IGF1R: variants seen among roughly 807,000 people sequenced by gnomAD.
The protein encoded by IGF1R is insulin like growth factor 1 receptor.
In IGF1R, 44 loss-of-function variants were observed where a neutral mutation model predicts 144.6. The observed-to-expected ratio is 0.30, with a 90% CI of 0.24 to 0.39. The LOEUF is 0.39. IGF1R is among the 10% of genes least tolerant of loss of function. The pLI, the probability that IGF1R is intolerant of heterozygous loss-of-function variation, is 1.00. For synonymous variants in IGF1R, 795 were observed against 722.8 expected, an observed-to-expected ratio of 1.10 and a Z score of -1.60; for missense variants, 1,355 against 1,833.7, an observed-to-expected ratio of 0.74 and a Z score of 4.77.
chr15:98,895,274 A>G (rs2014136135), intron 3 of IGF1R, among the ~76,000 whole-genome samples: 1 of 151,232 alleles, frequency 6.6e-6, no homozygotes, highest in South Asian at 2.1e-4. Context: ...ACACAGAGTT[A>G]ATTTCCAGGT....
At chr15:98,775,364 G>T (rs958746882) in intron 2 of IGF1R, among the ~76,000 whole-genome samples, 1 of 152,156 alleles carries the variant, frequency 6.6e-6, no homozygotes, top group African/African-American at 2.4e-5. Context: ...AAGCCAGGCT[G>T]CCACCCCCAC....
chr15:98,649,917 C>A (rs926315460), intron 1 of IGF1R, among the ~76,000 whole-genome samples: 1 of 152,178 alleles, frequency 6.6e-6, no homozygotes. Context: ...AAGGGCTTTT[C>A]TCTTTCTCCG....
intron 2 of IGF1R, among the ~76,000 whole-genome samples, chr15:98,783,863 G>A (rs1373021491): frequency 1.3e-5 from 2 of 151,292 alleles, no homozygotes; most frequent in Non-Finnish European, 1.5e-5. Context: ...ATAGTACCAC[G>A]CTATCCTTCT....
chr15:98,958,136 GAC>G lies in IGF1R; in HGVS notation c.*699_*700del, dbSNP rs2017084775. The G allele has an allele frequency of 2.6e-5, 6 of 233,642 alleles. No homozygotes were observed. The Admixed American group carries it at 3.4e-4, about 13-fold the overall frequency. The allele number at this position is 233,642 out of a possible 1,614,324, so 14.5% of individuals were successfully genotyped here. On this transcript the variant is annotated 3_prime_UTR_variant, in exon 21 of 21. Transcript: ENST00000650285. ...TGCTCCATTTGAGAGACACGCTGGC[GAC>G]ACACTCCGTCCATCCGACTGCCCCT...
chr15:98,756,056 A>C (rs1339253913), intron 2 of IGF1R, among the ~76,000 whole-genome samples: 1 of 152,078 alleles, frequency 6.6e-6, no homozygotes, highest in Non-Finnish European at 1.5e-5. Context: ...ATATGTTGCT[A>C]TTTGATTTGC....
At chr15:98,659,032 C>T (rs531756121) in intron 1 of IGF1R, among the ~76,000 whole-genome samples, 1 of 152,300 alleles carries the variant, frequency 6.6e-6, no homozygotes, top group African/African-American at 2.4e-5. Context: ...CCTTGGACTT[C>T]AACTGCTACT....
intron 2 of IGF1R, among the ~76,000 whole-genome samples, chr15:98,712,962 A>C (rs987279500): frequency 6.7e-6 from 1 of 150,078 alleles, no homozygotes; most frequent in Non-Finnish European, 1.5e-5. Context: ...TCCTGTAGCA[A>C]GTCCCTATAG....
In IGF1R at chr15:98,676,415, C is replaced by T. The variant is rs113838929; in HGVS notation, c.94+26740C>T. On this transcript the variant is annotated intron_variant, in intron 1 of 20. Coordinates refer to ENST00000650285, the MANE Select transcript of IGF1R (RefSeq NM_000875.5). Reference sequence around the variant, plus strand: ...CCTCCCAAAGTGCTAGGATTACAGGCGTGAGCCACCGCTCCTGGCCGAGAC... The same window carrying T: ...CCTCCCAAAGTGCTAGGATTACAGGTGTGAGCCACCGCTCCTGGCCGAGAC... Among the ~76,000 whole-genome samples, 1,077 of 152,310 alleles carry T rather than the reference C, an allele frequency of 7.1e-3. 7 individuals are homozygous for T. The highest frequency in any genetic ancestry group is 0.024 in the African/African-American group (1,012 of 41,570).
intron 2 of IGF1R, among the ~76,000 whole-genome samples, chr15:98,868,890 C>CA (rs1375709515): frequency 6.6e-6 from 1 of 152,160 alleles, no homozygotes; most frequent in East Asian, 1.9e-4. Context: ...TCATCTCACA[C>CA]CCTTGAGAGA....
intron 2 of IGF1R, among the ~76,000 whole-genome samples, chr15:98,850,513 C>G (rs895748837): frequency 6.6e-6 from 1 of 152,184 alleles, no homozygotes; most frequent in Non-Finnish European, 1.5e-5. Context: ...GCCATGTCCT[C>G]GGAAGATGGC....
intron 2 of IGF1R, among the ~76,000 whole-genome samples, chr15:98,747,344 C>T (rs2054894397): frequency 6.6e-6 from 1 of 152,036 alleles, no homozygotes; most frequent in African/African-American, 2.4e-5. Context: ...TTACAGGCAC[C>T]CACCGCCACA....
intron 6 of IGF1R, among the ~76,000 whole-genome samples, chr15:98,909,538 C>G (rs990622135): frequency 4.6e-5 from 7 of 152,200 alleles, no homozygotes; most frequent in African/African-American, 1.4e-4. Context: ...GGATTACAGG[C>G]TTGAGCCACC....
chr15:98,833,897 G>A (rs992871733), intron 2 of IGF1R, among the ~76,000 whole-genome samples: 2 of 152,106 alleles, frequency 1.3e-5, no homozygotes, highest in African/African-American at 2.4e-5. Flanking sequence ...CATAGTCAGG[G>A]TCCTCAAATG....
rs542178830 is a variant in IGF1R at position 98,909,348 on chromosome 15, A to G, written c.1462+449A>G. On this transcript the variant is annotated intron_variant, in intron 6 of 20. Coordinates refer to ENST00000650285, the MANE Select transcript of IGF1R (RefSeq NM_000875.5). ...ATGATCTTGGCTCACTGTAACCTCC[A>G]CCTCGGTTCAAGCGGTTCTCATGCC... 8.3e-5 allele frequency among the ~76,000 whole-genome samples: 11 copies of G among 132,940 alleles called. No homozygotes were observed. In the South Asian group the frequency reaches 2.5e-3, roughly 31 times the overall value. 87.2% of individuals were successfully genotyped at this position (132,940 alleles called of 152,430 possible). A position where few individuals can be genotyped will look rare whatever the true frequency, so the allele number is the denominator to read the frequency against.
At chr15:98,833,830 T>C (rs2057045903) in intron 2 of IGF1R, among the ~76,000 whole-genome samples, 1 of 152,214 alleles carries the variant, frequency 6.6e-6, no homozygotes, top group South Asian at 2.1e-4. Context: ...GCCAGTAACT[T>C]AACCTGTTTT....
At chr15:98,758,314 C>A (rs1405829161) in intron 2 of IGF1R, among the ~76,000 whole-genome samples, 1 of 151,656 alleles carries the variant, frequency 6.6e-6, no homozygotes, top group African/African-American at 2.4e-5. Context: ...TCGATTAGTT[C>A]TGTTTCAGCT....
chr15:98,783,497 T>A (rs190984092), intron 2 of IGF1R, among the ~76,000 whole-genome samples: 5 of 152,362 alleles, frequency 3.3e-5, no homozygotes, highest in Non-Finnish European at 7.4e-5. Context: ...TGTTTCTTTT[T>A]ATTGCTGAAT....
intron 1 of IGF1R, among the ~76,000 whole-genome samples, chr15:98,693,907 G>C (rs889396816): frequency 1.3e-5 from 2 of 152,144 alleles, no homozygotes; most frequent in African/African-American, 2.4e-5. Context: ...TGCCTGGCCT[G>C]ACCTCCTGTC....
chr15:98,758,232 GTT>G (rs2055205047), intron 2 of IGF1R, among the ~76,000 whole-genome samples: 1 of 150,804 alleles, frequency 6.6e-6, no homozygotes, highest in Non-Finnish European at 1.5e-5. Flanking sequence ...ATTCCTGAAA[GTT>G]TTTATACTCC....
Sources: allele counts gnomAD v4.1 joint callset (sites outside exome capture counted in the v4.1 genomes callset), GRCh38; gene constraint gnomAD v4.1.1; transcripts MANE v1.5; gene names NCBI Gene and HGNC (gene_info 2026-07-23, HGNC 2026-07-21).